Variants in TP53BP1 observed in about 807,000 individuals in gnomAD.
The protein encoded by TP53BP1 is tumor protein p53 binding protein 1.
TP53BP1 carries 61 observed loss-of-function variants against 200.8 expected under a neutral mutation model. The ratio of observed to expected loss-of-function variants is 0.30; its 90% CI spans 0.25 to 0.38. The LOEUF (loss-of-function observed/expected upper bound fraction) is 0.38, where lower values mean the gene tolerates loss of function less well. Among genes scored for constraint, TP53BP1 ranks in the 10% least tolerant of loss-of-function variants. TP53BP1 has a pLI of 1.00. For missense variants in TP53BP1, 2,144 were observed against 2,371.9 expected, an observed-to-expected ratio of 0.90 and a Z score of 2.00; for synonymous variants, 822 against 844.3, an observed-to-expected ratio of 0.97 and a Z score of 0.46.
rs1045471468 is a variant in TP53BP1 at position 43,453,543 on chromosome 15, A to T, written c.2716+2349T>A. The stretch of plus-strand genomic sequence containing the variant: ...CTCTAACATTTCTTATTCTTAAGAT[A>T]AAAAAAAAGTGCTAAATATAAAAGC... On this transcript the variant is annotated intron_variant, in intron 12 of 27. Transcript: ENST00000382044. Among the ~76,000 whole-genome samples the T allele has an allele frequency of 8.1e-5, 7 of 86,276 alleles. No homozygotes were observed. In the East Asian group the frequency reaches 2.1e-3, roughly 26 times the overall value. The allele number at this position is 86,276 out of a possible 152,430, so 56.6% of individuals were successfully genotyped here.
At chr15:43,502,970 C>T (rs2079217366) in intron 1 of TP53BP1, among the ~76,000 whole-genome samples, 1 of 151,926 alleles carries the variant, frequency 6.6e-6, no homozygotes, top group Non-Finnish European at 1.5e-5. Context: ...CCAGGCTGGT[C>T]TTCAACTCCT....
chr15:43,406,341 TAC>T lies in TP53BP1; in HGVS notation c.*1040_*1041del. On this transcript the variant is annotated 3_prime_UTR_variant, in exon 28 of 28. Transcript: ENST00000382044. Reference sequence around the variant, plus strand: ...ATCTGGTTTTCATCACTACATATTCTACACACACTGGGAAGCTCTGACAACTT... The same window carrying T: ...ATCTGGTTTTCATCACTACATATTCTACACACTGGGAAGCTCTGACAACTT... 3.3e-6 allele frequency: 1 copy of T among 306,372 alleles called. No individual in the cohort carries two copies. Among genetic ancestry groups the T allele is most frequent in the Non-Finnish European group, 6.5e-6 (1 of 154,516 alleles). The allele number at this position is 306,372 out of a possible 1,614,324, so 19.0% of individuals were successfully genotyped here.
rs1402534850 is a variant in TP53BP1, at chr15:43,432,221, C to T, written c.3648G>A (p.Gly1216=). The change falls in exon 17 of 28, where the codon GGG becomes GGA. Residue 1216 remains glycine (G), a synonymous_variant. Coordinates refer to ENST00000382044, the MANE Select transcript of TP53BP1 (RefSeq NM_001141980.3). ...GSGEKPVSAP[G]DDTESLHSQG... ...GGCTATGGAGCGACTCTGTATCATC[C>T]CCAGGAGCACTGACTGGTTTCTCAC... 8.7e-6 allele frequency: 14 copies of T among 1,613,956 alleles called. No individual in the cohort carries two copies. The highest frequency in any genetic ancestry group is 1.2e-5 in the Non-Finnish European group (14 of 1,179,986).
chr15:43,470,016 G>C lies in TP53BP1; in HGVS notation c.1231C>G (p.Gln411Glu), dbSNP rs1347237229. The C allele has an allele frequency of 1.2e-6, 2 of 1,613,656 alleles. No individual in the cohort carries two copies. Among genetic ancestry groups the C allele is most frequent in the Admixed American group, 3.3e-5 (2 of 60,024 alleles). Residue 411 changes from glutamine (Q) to glutamate (E), a missense_variant, in exon 11 of 28, where the codon CAG becomes GAG. Transcript: ENST00000382044. ...VLSEEGGEPF[Q>E]KKLQSGEPVE... Reference sequence around the variant, plus strand: ...GGTTCACCACTTTGAAGTTTCTTCTGAAAAGGCTCTCCTCCTTCTTCAGAT... The same window carrying C: ...GGTTCACCACTTTGAAGTTTCTTCTCAAAAGGCTCTCCTCCTTCTTCAGAT...
chr15:43,483,129 C>T (rs1320846809), intron 4 of TP53BP1, among the ~76,000 whole-genome samples: 2 of 151,736 alleles, frequency 1.3e-5, no homozygotes, highest in African/African-American at 4.8e-5. Flanking sequence ...GAATAATGTA[C>T]TTATTCTTAG....
At chr15:43,432,744 C>T (rs145131120) in intron 16 of TP53BP1, 67 bp from the exon 17 acceptor site, 54 of 1,479,858 alleles carry the variant, frequency 3.6e-5, no homozygotes, top group Admixed American at 8.3e-5. Flanking sequence ...TGTGTGTGTG[C>T]GTGTGCATGT....
At position 43,405,397 on chromosome 15, in the gene TP53BP1, T is replaced by C. The variant is rs1340319827; in HGVS notation, c.*1986A>G. 2 of 645,450 alleles carry C rather than the reference T, an allele frequency of 3.1e-6. No individual in the cohort carries two copies. The highest frequency in any genetic ancestry group is 5.4e-6 in the Non-Finnish European group (2 of 367,460). The allele number at this position is 645,450 out of a possible 1,614,324, so 40.0% of individuals were successfully genotyped here. A position where few individuals can be genotyped will look rare whatever the true frequency, so the allele number is the denominator to read the frequency against. The stretch of plus-strand genomic sequence containing the variant: ...ACAACTCCTTCCCATCATTCCCATG[T>C]GGAAGGGTCTCTCCCATCAAGGAGA... On this transcript the variant is annotated 3_prime_UTR_variant, in exon 28 of 28. Transcript: ENST00000382044.
At chr15:43,458,804 A>AC (rs55969404) in intron 11 of TP53BP1, among the ~76,000 whole-genome samples, 35 of 151,656 alleles carry the variant, frequency 2.3e-4, no homozygotes, top group Non-Finnish European at 3.4e-4. Context: ...AAAAAAAAAA[A>AC]GGTTCACAAA....
chr15:43,492,329 A>G lies in TP53BP1; in HGVS notation c.147T>C (p.Ser49=). ...DDSGSHFSML[S]RHLPNLQTHK... ...GCGTCTGGAGATTAGGAAGGTGTCG[A>G]GATAGCATACTGAAGTGAGAACCAG... The change falls in exon 2 of 28, where the codon TCT becomes TCC. Residue 49 remains serine, a synonymous_variant. Transcript: ENST00000382044. The G allele has an allele frequency of 6.2e-7, 1 of 1,614,194 alleles. No individual in the cohort carries two copies. Among genetic ancestry groups the G allele is most frequent in the Admixed American group, 1.7e-5 (1 of 60,018 alleles).
chr15:43,477,456 G>T, intron 8 of TP53BP1, 137 bp downstream of exon 8: 1 of 749,988 alleles, frequency 1.3e-6, no homozygotes, highest in Non-Finnish European at 2.0e-6. Context: ...CTAATTACTA[G>T]AAACACGTTT....
At position 43,408,987 on chromosome 15, in the gene TP53BP1, T is replaced by G; in HGVS notation, c.5510A>C (p.His1837Pro). The G allele has an allele frequency of 6.2e-7, 1 of 1,614,188 alleles. No homozygotes were observed. The highest frequency in any genetic ancestry group is 8.5e-7 in the Non-Finnish European group (1 of 1,180,028). ...GIPCVSHVWV[H>P]DSCHANQLQN... Reference sequence around the variant, plus strand: ...GAGCTGGTTGGCATGGCAACTATCATGGACCCAGACATGAGACACACAAGG... The same window carrying G: ...GAGCTGGTTGGCATGGCAACTATCAGGGACCCAGACATGAGACACACAAGG... The change falls in exon 26 of 28, where the codon CAT (histidine) becomes CCT (proline). Residue 1837 changes from histidine to proline, a missense_variant. Transcript: ENST00000382044.
chr15:43,409,262 A>G, intron 25 of TP53BP1, 166 bp from the exon 26 acceptor site: 1 of 640,986 alleles, frequency 1.6e-6, no homozygotes, highest in Non-Finnish European at 2.7e-6. Flanking sequence ...GGAAGGCCCA[A>G]GTAATTTCCA....
At chr15:43,449,517 A>AC (rs1433924656) in intron 12 of TP53BP1, among the ~76,000 whole-genome samples, 5 of 152,356 alleles carry the variant, frequency 3.3e-5, no homozygotes, top group African/African-American at 1.2e-4. Context: ...TAATTTTAGC[A>AC]CCATTTATCT....
intron 7 of TP53BP1, among the ~76,000 whole-genome samples, chr15:43,478,578 G>A (rs540621577): frequency 2.0e-5 from 3 of 152,284 alleles, no homozygotes; most frequent in East Asian, 1.9e-4. Flanking sequence ...ACTGGCCAGA[G>A]GTAATGAAGC....
At chr15:43,508,955 G>T (rs2079253611) in intron 1 of TP53BP1, among the ~76,000 whole-genome samples, 1 of 152,098 alleles carries the variant, frequency 6.6e-6, no homozygotes, top group African/African-American at 2.4e-5. Flanking sequence ...CAGATCTATT[G>T]TCTAGTCTCT....
intron 1 of TP53BP1, 35 bp downstream of exon 1, chr15:43,493,002 A>G (rs1357116881): frequency 1.2e-6 from 2 of 1,611,710 alleles, no homozygotes; most frequent in South Asian, 1.1e-5. Flanking sequence ...AGGCCTTCAG[A>G]GCCCACTGCA....
chr15:43,437,835 A>AT (rs1566933347), intron 16 of TP53BP1, among the ~76,000 whole-genome samples: 1 of 152,232 alleles, frequency 6.6e-6, no homozygotes, highest in African/African-American at 2.4e-5. Context: ...TTCTGCTGCT[A>AT]TAACAGAATT....
intron 11 of TP53BP1, among the ~76,000 whole-genome samples, chr15:43,459,909 T>C (rs2046390002): frequency 6.6e-6 from 1 of 152,142 alleles, no homozygotes; most frequent in East Asian, 1.9e-4. Context: ...AAAACTATAC[T>C]GACAGAAAGC....
At chr15:43,466,935 T>C (rs1311821534) in intron 11 of TP53BP1, among the ~76,000 whole-genome samples, 1 of 152,008 alleles carries the variant, frequency 6.6e-6, no homozygotes, top group Non-Finnish European at 1.5e-5. Context: ...GAACGAAAAG[T>C]GGTTATCTTT....
Sources: gnomAD v4.1 joint callset for allele counts (sites outside exome capture counted in the v4.1 genomes callset) on GRCh38, gnomAD v4.1.1 for gene constraint, MANE v1.5 for transcripts, NCBI Gene and HGNC (gene_info 2026-07-23, HGNC 2026-07-21) for gene names.